Variants in LHPP observed in about 807,000 individuals in gnomAD.
LHPP encodes phospholysine phosphohistidine inorganic pyrophosphate phosphatase, also known as hLHPP.
A neutral mutation model predicts 30.3 loss-of-function variants in LHPP; 24 were observed. The ratio of observed to expected loss-of-function variants is 0.79; its 90% CI spans 0.57 to 1.11. The LOEUF is 1.11. Among genes scored for constraint, LHPP ranks in the 50% most tolerant of loss-of-function variants. The probability of loss-of-function intolerance (pLI) is 0.00; values close to 1 mark genes in which losing one functional copy is unlikely to be tolerated. For missense variants in LHPP, 356 were observed against 367.2 expected (o/e 0.97, Z 0.25); for synonymous variants, 150 against 157.1 (o/e 0.95, Z 0.34).
chr10:124,584,206 G>GA lies in LHPP; in HGVS notation c.717-29045dup, dbSNP rs34804550. Among the ~76,000 whole-genome samples the GA allele has an allele frequency of 1.8e-3, 267 of 146,478 alleles. 1 individual carries two copies. The highest frequency in any genetic ancestry group is 0.016 in the South Asian group (73 of 4,580). On this transcript the variant is annotated intron_variant, in intron 6 of 6. Transcript: ENST00000368842. ...GGCAACATAGGGAGACCCCATCTCT[G>GA]AAAAAAAAAAAAATTAGGCATGGTG... is the stretch of plus-strand genomic sequence containing the variant.
At chr10:124,578,230 G>A (rs1948693875) in intron 6 of LHPP, among the ~76,000 whole-genome samples, 1 of 152,236 alleles carries the variant, frequency 6.6e-6, no homozygotes, top group African/African-American at 2.4e-5. Flanking sequence ...CAGGGCATTT[G>A]CAAGGGAGTA....
intron 2 of LHPP, among the ~76,000 whole-genome samples, chr10:124,485,201 C>T (rs1454994036): frequency 6.6e-6 from 1 of 152,020 alleles, no homozygotes. Flanking sequence ...TCATGTTTCT[C>T]AAAATTCCTT....
intron 1 of LHPP, among the ~76,000 whole-genome samples, chr10:124,474,132 C>CTTTTTT (rs544464876): frequency 1.4e-4 from 10 of 71,900 alleles, no homozygotes; most frequent in Admixed American, 2.1e-4. Context: ...TTGCTTTGCC[C>CTTTTTT]TTTTTTTTTT....
chr10:124,590,918 T>A lies in LHPP; in HGVS notation c.717-22346T>A, dbSNP rs757734366. Among the ~76,000 whole-genome samples the A allele has an allele frequency of 1.3e-5, 2 of 152,228 alleles. No individual in the cohort carries two copies. Among genetic ancestry groups the A allele is most frequent in the Non-Finnish European group, 2.9e-5 (2 of 68,046 alleles). On this transcript the variant is annotated intron_variant, in intron 6 of 6. Coordinates refer to ENST00000368842, the MANE Select transcript of LHPP (RefSeq NM_022126.4). This position sits in a 1 kb window ranked among gnomAD's most constrained non-coding sequence, Gnocchi z 4.3. ...GGTAAACACTGCAACAGGCCTCCTTTCCAGGAAACAGGATCCCTGTCTCAG... is the reference window on the plus strand; with the variant it reads ...GGTAAACACTGCAACAGGCCTCCTTACCAGGAAACAGGATCCCTGTCTCAG...
intron 1 of LHPP, among the ~76,000 whole-genome samples, chr10:124,462,277 TG>T (rs1451160912): frequency 2.0e-5 from 3 of 152,180 alleles, no homozygotes; most frequent in Non-Finnish European, 2.9e-5. Context: ...TGAGATGTGC[TG>T]TAAGCGTAAA....
chr10:124,603,170 C>T (rs1007343660), intron 6 of LHPP, among the ~76,000 whole-genome samples: 2 of 152,216 alleles, frequency 1.3e-5, no homozygotes, highest in East Asian at 1.9e-4. Context: ...CTGCAGTGCG[C>T]TCATGCCCAG....
At position 124,462,104 on chromosome 10, in the gene LHPP, G is replaced by A. The variant is rs1003602317; in HGVS notation, c.125+117G>A. Reference sequence around the variant, plus strand: ...GGGCCGCGGCGCAGGCCCCGCCTCGGTCTCCCCCTTCCCACCCCGGTGCGC... The same window carrying A: ...GGGCCGCGGCGCAGGCCCCGCCTCGATCTCCCCCTTCCCACCCCGGTGCGC... On this transcript the variant is annotated intron_variant, in intron 1 of 6. Coordinates refer to ENST00000368842, the MANE Select transcript of LHPP (RefSeq NM_022126.4). The A allele has an allele frequency of 3.1e-6, 3 of 982,932 alleles. No homozygotes were observed. The Admixed American group carries it at 1.4e-4, about 47-fold the overall frequency. 60.9% of individuals were successfully genotyped at this position (982,932 alleles called of 1,614,324 possible). A position where few individuals can be genotyped will look rare whatever the true frequency, so the allele number is the denominator to read the frequency against.
chr10:124,584,587 T>C (rs868075029), intron 6 of LHPP, among the ~76,000 whole-genome samples: 12 of 152,144 alleles, frequency 7.9e-5, no homozygotes, highest in Admixed American at 3.9e-4. Flanking sequence ...GCTAATCCTG[T>C]TCATGAGAGC....
chr10:124,514,146 C>T (rs1036813752), intron 5 of LHPP, among the ~76,000 whole-genome samples: 1 of 152,164 alleles, frequency 6.6e-6, no homozygotes, highest in African/African-American at 2.4e-5. Flanking sequence ...GGTGTGATCC[C>T]AGAGTGCTTT....
Position 124,484,325 on chromosome 10 carries a change from C to T in LHPP, c.312C>T (p.Asp104=), listed in dbSNP as rs749562320. ...QGLRPYLLIH[D]GVRSEFDQID... is the part of the protein sequence containing the mutation. Reference sequence around the variant, plus strand: ...TGCGACCATACCTGCTCATCCATGACGGTAGGCCTGTCGGACACCAGGACC... The same window carrying T: ...TGCGACCATACCTGCTCATCCATGATGGTAGGCCTGTCGGACACCAGGACC... Residue 104 remains aspartate, a splice_region_variant and synonymous_variant, in exon 2 of 7, where the codon GAC becomes GAT. Transcript: ENST00000368842. 33 of 1,609,632 alleles carry T rather than the reference C, an allele frequency of 2.1e-5. No individual in the cohort carries two copies. The highest frequency in any genetic ancestry group is 1.7e-4 in the Middle Eastern group (1 of 6,026).
intron 6 of LHPP, among the ~76,000 whole-genome samples, chr10:124,555,349 G>T (rs186981329): frequency 6.6e-6 from 1 of 152,316 alleles, no homozygotes; most frequent in South Asian, 2.1e-4. Context: ...TGAGATGGGG[G>T]CTCTACAAGG....
At chr10:124,470,380 C>A (rs1396252477) in intron 1 of LHPP, among the ~76,000 whole-genome samples, 1 of 147,620 alleles carries the variant, frequency 6.8e-6, no homozygotes, top group African/African-American at 2.4e-5. Context: ...CCACCCAGGA[C>A]CGCCCCGATC....
At chr10:124,503,170 A>T (rs1192785019) in intron 5 of LHPP, among the ~76,000 whole-genome samples, 1 of 149,242 alleles carries the variant, frequency 6.7e-6, no homozygotes, top group African/African-American at 2.5e-5. Context: ...GGGTTCAAGC[A>T]ATTCTCCTGC....
chr10:124,492,429 G>A (rs555209099), intron 3 of LHPP, among the ~76,000 whole-genome samples: 21 of 152,266 alleles, frequency 1.4e-4, no homozygotes, highest in African/African-American at 3.9e-4. Flanking sequence ...GGGCAGGGCT[G>A]GCAGGCTAGG....
At chr10:124,602,094 C>T (rs1949030716) in intron 6 of LHPP, among the ~76,000 whole-genome samples, 2 of 152,328 alleles carry the variant, frequency 1.3e-5, no homozygotes, top group African/African-American at 4.8e-5. Context: ...CCAGAGTCAA[C>T]CAGCCCACCA....
At chr10:124,483,794 A>G (rs1315080956) in intron 1 of LHPP, among the ~76,000 whole-genome samples, 3 of 147,244 alleles carry the variant, frequency 2.0e-5, no homozygotes, top group Non-Finnish European at 3.0e-5. Context: ...GAAGTGGCAC[A>G]GGTAGAGAGG....
rs192936955 is a variant in LHPP at position 124,548,948 on chromosome 10, G to C, written c.716+31677G>C. 2.8e-3 allele frequency among the ~76,000 whole-genome samples: 422 copies of C among 152,362 alleles called. 6 individuals are homozygous for C. Among genetic ancestry groups the C allele is most frequent in the Non-Finnish European group, 1.2e-3 (85 of 68,032 alleles). On this transcript the variant is annotated intron_variant, in intron 6 of 6. Coordinates refer to ENST00000368842, the MANE Select transcript of LHPP (RefSeq NM_022126.4). ...CCTAACCTGGCAAGACAGTGGAGAA[G>C]GGGGACAGCCAGCGGGACATTCCAC...
In LHPP at chr10:124,554,142, G is replaced by A. The variant is rs1271155647; in HGVS notation, c.716+36871G>A. 3.7e-6 allele frequency: 3 copies of A among 811,268 alleles called. No homozygotes were observed. The African/African-American group carries it at 5.6e-5, about 15-fold the overall frequency. The allele number at this position is 811,268 out of a possible 1,614,324, so 50.3% of individuals were successfully genotyped here. On this transcript the variant is annotated intron_variant, in intron 6 of 6. Coordinates refer to ENST00000368842, the MANE Select transcript of LHPP (RefSeq NM_022126.4). Reference sequence around the variant, plus strand: ...GCTGGGACGACCTGGGCCAGGTAGAGGTTTTTCAACCTAAGACTCAGTTTA... The same window carrying A: ...GCTGGGACGACCTGGGCCAGGTAGAAGTTTTTCAACCTAAGACTCAGTTTA...
chr10:124,565,764 G>C (rs550085776), intron 6 of LHPP, among the ~76,000 whole-genome samples: 1 of 152,206 alleles, frequency 6.6e-6, no homozygotes, highest in Non-Finnish European at 1.5e-5. Flanking sequence ...CCTGGAGACC[G>C]CTTTGGCCTT....
Sources: allele counts gnomAD v4.1 joint callset (sites outside exome capture counted in the v4.1 genomes callset), GRCh38; gene constraint gnomAD v4.1.1; non-coding constraint Gnocchi (gnomAD v3.1); transcripts MANE v1.5; gene names NCBI Gene and HGNC (gene_info 2026-07-23, HGNC 2026-07-21).